TENM3: variants seen among roughly 807,000 people sequenced by gnomAD.
The protein encoded by TENM3 is teneurin transmembrane protein 3.
In TENM3, 63 loss-of-function variants were observed where a neutral mutation model predicts 255.1. The ratio of observed to expected loss-of-function variants is 0.25; its 90% confidence interval spans 0.20 to 0.30. The LOEUF (loss-of-function observed/expected upper bound fraction) is 0.30, where lower values mean the gene tolerates loss of function less well. Among genes scored for constraint, TENM3 ranks in the 10% least tolerant of loss-of-function variants. The pLI is 1.00. For synonymous variants in TENM3, 1,306 were observed against 1,322.3 expected, an observed-to-expected ratio of 0.99 and a Z score of 0.27; for missense variants, 2,929 against 3,461.1, an observed-to-expected ratio of 0.85 and a Z score of 3.86.
chr4:181,461,739 C>T, the TENM3 span, among the ~76,000 whole-genome samples: 1 of 152,024 alleles, frequency 6.6e-6, no homozygotes, highest in Non-Finnish European at 1.5e-5. Context: ...TCATATTTAT[C>T]CTCATCATGT....
At chr4:182,447,036 A>G (rs931804542) in intron 3 of TENM3, among the ~76,000 whole-genome samples, 10 of 152,218 alleles carry the variant, frequency 6.6e-5, no homozygotes, top group African/African-American at 2.4e-4. Context: ...GACCCAATTT[A>G]CTAAAGAGAA....
chr4:182,338,652 A>G (rs1456305019), intron 2 of TENM3, among the ~76,000 whole-genome samples: 1 of 152,216 alleles, frequency 6.6e-6, no homozygotes, highest in Non-Finnish European at 1.5e-5. Flanking sequence ...GTAGCATTGG[A>G]CAGATATAAA....
the TENM3 span, among the ~76,000 whole-genome samples, chr4:181,961,169 G>T: frequency 1.8e-4 from 27 of 151,582 alleles, no homozygotes; most frequent in African/African-American, 5.9e-4. Context: ...GCTACCTGAT[G>T]CTTGCTGTCA....
At chr4:181,802,073 A>C in the TENM3 span, among the ~76,000 whole-genome samples, 1 of 152,208 alleles carries the variant, frequency 6.6e-6, no homozygotes, top group Non-Finnish European at 1.5e-5. Context: ...ATTTACCACC[A>C]GGATGGCCGG....
chr4:181,763,321 C>G, the TENM3 span, among the ~76,000 whole-genome samples: 5 of 152,094 alleles, frequency 3.3e-5, no homozygotes, highest in African/African-American at 1.2e-4. Flanking sequence ...CATGTTAATC[C>G]TCTTTGTCTT....
chr4:182,098,691 A>G, the TENM3 span, among the ~76,000 whole-genome samples: 2 of 152,196 alleles, frequency 1.3e-5, no homozygotes, highest in Non-Finnish European at 2.9e-5. Context: ...GAAAGGGGAG[A>G]TAAGAAGGGG....
chr4:182,336,577 TACCCTTTGGGGGTTGGAGAAG>T (rs1764154541), intron 2 of TENM3, among the ~76,000 whole-genome samples: 1 of 152,210 alleles, frequency 6.6e-6, no homozygotes, highest in Non-Finnish European at 1.5e-5. Context: ...AGGTTGGTTC[TACCCTTTGGGGGTTGGAGAAG>T]AAAAGCACCT....
Position 182,796,706 on chromosome 4 carries a change from A to G in TENM3, c.7283A>G (p.Lys2428Arg). ...HNAIPGFPVP[K>R]FDLTEPSYEL... The stretch of plus-strand genomic sequence containing the variant: ...GCTATTCCTGGATTCCCTGTTCCCA[A>G]ATTTGATTTAACAGAACCTTCTTAC... The change falls in exon 27 of 28, where the codon AAA (lysine) becomes AGA (arginine). Residue 2428 changes from lysine to arginine, a missense_variant. Lys to Arg is a conservative substitution (Grantham distance 26, BLOSUM62 2). Coordinates refer to ENST00000511685, the MANE Select transcript of TENM3 (RefSeq NM_001080477.4). 1 of 1,612,874 alleles carries G rather than the reference A, an allele frequency of 6.2e-7. No individual in the cohort carries two copies.
intron 1 of TENM3, among the ~76,000 whole-genome samples, chr4:182,260,036 G>A (rs1025126973): frequency 3.9e-5 from 6 of 152,108 alleles, no homozygotes; most frequent in African/African-American, 1.4e-4. Context: ...ATGTCCTCCA[G>A]TTCCATCCAT....
chr4:182,708,927 GAA>G (rs1301286718), intron 12 of TENM3, among the ~76,000 whole-genome samples: 2 of 152,150 alleles, frequency 1.3e-5, no homozygotes, highest in Non-Finnish European at 2.9e-5. Flanking sequence ...AAACTCCAGG[GAA>G]AGTATTTTAT....
the TENM3 span, among the ~76,000 whole-genome samples, chr4:181,698,979 T>C: frequency 6.6e-6 from 1 of 152,188 alleles, no homozygotes; most frequent in African/African-American, 2.4e-5. Flanking sequence ...CAGGTGAGAC[T>C]ATTTTGCTGA....
the TENM3 span, among the ~76,000 whole-genome samples, chr4:181,663,818 C>T: frequency 6.6e-6 from 1 of 152,158 alleles, no homozygotes; most frequent in Non-Finnish European, 1.5e-5. Flanking sequence ...TCTCAGCTTC[C>T]AGTGTGTGAT....
At chr4:181,473,414 C>G in the TENM3 span, among the ~76,000 whole-genome samples, 2 of 151,906 alleles carry the variant, frequency 1.3e-5, no homozygotes, top group East Asian at 3.9e-4. Flanking sequence ...ATAGGGAGAA[C>G]CCATCTCTAC....
intron 1 of TENM3, among the ~76,000 whole-genome samples, chr4:182,206,503 G>T (rs528162871): frequency 6.6e-6 from 1 of 152,074 alleles, no homozygotes; most frequent in South Asian, 2.1e-4. Flanking sequence ...GAATGCCTTC[G>T]CCCTACCCGC....
intron 1 of TENM3, among the ~76,000 whole-genome samples, chr4:182,191,413 T>TCAC (rs1753508944): frequency 6.6e-6 from 1 of 152,148 alleles, no homozygotes; most frequent in South Asian, 2.1e-4. Flanking sequence ...TTCCAGTCAA[T>TCAC]CACACACCCA....
In TENM3 at chr4:182,681,969, T is replaced by C. The variant is rs759454591; in HGVS notation, c.1990T>C (p.Ser664Pro). 6.2e-7 allele frequency: 1 copy of C among 1,613,956 alleles called. No homozygotes were observed. Among genetic ancestry groups the C allele is most frequent in the East Asian group, 2.2e-5 (1 of 44,878 alleles). Residue 664 changes from serine to proline, a missense_variant, in exon 11 of 28, where the codon TCC becomes CCC. Physicochemically the swap from Ser to Pro is moderately conservative, Grantham distance 74 (BLOSUM62 -1). Transcript: ENST00000511685. ...CGGAACGTATCTTCAAGAAAGTGGC[T>C]CCTGCACGTGTGACCCTAACTGGAC... ...GHGTYLQESG[S>P]CTCDPNWTGP...
At chr4:181,469,597 A>G in the TENM3 span, among the ~76,000 whole-genome samples, 1 of 152,190 alleles carries the variant, frequency 6.6e-6, no homozygotes, top group Non-Finnish European at 1.5e-5. Context: ...TGGCCAGAAG[A>G]GCAAGCTGTT....
rs1037869042 is a variant in TENM3 at position 182,794,915 on chromosome 4, T to G, written c.7213+1030T>G. Among the ~76,000 whole-genome samples the G allele has an allele frequency of 4.6e-5, 7 of 152,250 alleles. No homozygotes were observed. The South Asian group carries it at 1.2e-3, about 27-fold the overall frequency. On this transcript the variant is annotated intron_variant, in intron 26 of 27. Coordinates refer to ENST00000511685, the MANE Select transcript of TENM3 (RefSeq NM_001080477.4). ...CCATCATTAACCCCTCTACCACATTTATATTTCCAGGAGGAAGGTTCTTTC... is the reference window on the plus strand; with the variant it reads ...CCATCATTAACCCCTCTACCACATTGATATTTCCAGGAGGAAGGTTCTTTC...
chr4:181,969,810 C>A, the TENM3 span, among the ~76,000 whole-genome samples: 15 of 152,184 alleles, frequency 9.9e-5, no homozygotes, highest in African/African-American at 3.6e-4. Context: ...AAATCTCACC[C>A]AGGTGCGTAA....
Sources: allele counts gnomAD v4.1 joint callset (sites outside exome capture counted in the v4.1 genomes callset), GRCh38; gene constraint gnomAD v4.1.1; transcripts MANE v1.5; gene names NCBI Gene and HGNC (gene_info 2026-07-23, HGNC 2026-07-21).